Variants in MALRD1 observed in about 807,000 individuals in gnomAD.
The protein encoded by MALRD1 is MAM and LDL-receptor class A domain-containing protein 1.
Under a neutral mutation model 242.1 loss-of-function variants are expected in MALRD1, and 247 were observed. The observed-to-expected ratio is 1.02, with a 90% CI of 0.92 to 1.13. The LOEUF (loss-of-function observed/expected upper bound fraction) is 1.13, where lower values mean the gene tolerates loss of function less well. Ranked by LOEUF, MALRD1 falls within the 50% of genes most tolerant of loss-of-function variation. The pLI is 0.00. For synonymous variants in MALRD1, 995 were observed against 866.6 expected (o/e 1.15, Z -2.60); for missense variants, 2,989 against 2,533.1 (o/e 1.18, Z -3.86).
At chr10:19,711,015 T>C (rs1474246602) in intron 38 of MALRD1, 2 of 152,362 alleles carry the variant, frequency 1.3e-5, no homozygotes, top group East Asian at 3.9e-4. Context: ...TCCAATGGCA[T>C]GTAGCAAATT....
intron 32 of MALRD1, among the ~76,000 whole-genome samples, chr10:19,540,270 A>G (rs1185186526): frequency 6.6e-6 from 1 of 152,126 alleles, no homozygotes; most frequent in African/African-American, 2.4e-5. Context: ...CAGAATAGGA[A>G]GTTTGGCAGG....
chr10:19,356,844 C>T (rs760010909), intron 26 of MALRD1, among the ~76,000 whole-genome samples: 6 of 152,078 alleles, frequency 3.9e-5, no homozygotes, highest in Non-Finnish European at 5.9e-5. Flanking sequence ...CACGGTGGCT[C>T]ACACCTGTAA....
intron 36 of MALRD1, among the ~76,000 whole-genome samples, chr10:19,667,027 C>T (rs934353175): frequency 6.6e-6 from 1 of 152,132 alleles, no homozygotes; most frequent in African/African-American, 2.4e-5. Flanking sequence ...GGATGAAACA[C>T]TAAATGGGAC....
intron 28 of MALRD1, among the ~76,000 whole-genome samples, chr10:19,414,183 ATAAT>A (rs1378265583): frequency 1.3e-5 from 2 of 152,166 alleles, no homozygotes; most frequent in Non-Finnish European, 2.9e-5. Flanking sequence ...TTATGGATAA[ATAAT>A]TCCTACATAT....
intron 14 of MALRD1, among the ~76,000 whole-genome samples, chr10:19,184,724 T>C (rs1835663323): frequency 6.6e-6 from 1 of 152,032 alleles, no homozygotes; most frequent in African/African-American, 2.4e-5. Flanking sequence ...ATTTTTGTAT[T>C]TTTAGTGGAG....
rs144399816 is a variant in MALRD1 at position 19,179,797 on chromosome 10, G to T, written c.1951+4469G>T. Among the ~76,000 whole-genome samples the T allele has an allele frequency of 2.5e-3, 375 of 152,216 alleles. 2 individuals are homozygous for T. The highest frequency in any genetic ancestry group is 8.6e-3 in the African/African-American group (357 of 41,536). ...ACTGCTTACAAATGTTATTTCAAAT[G>T]ATAGTGTATCAATAAATAGTTCTAT... is the stretch of plus-strand genomic sequence containing the variant. On this transcript the variant is annotated intron_variant, in intron 14 of 39. Coordinates refer to ENST00000454679, the MANE Select transcript of MALRD1 (RefSeq NM_001142308.3).
intron 24 of MALRD1, among the ~76,000 whole-genome samples, chr10:19,346,080 C>T (rs1844107798): frequency 6.6e-6 from 1 of 152,088 alleles, no homozygotes; most frequent in Non-Finnish European, 1.5e-5. Flanking sequence ...GCACTCCACC[C>T]AGCCTCATAT....
chr10:19,717,964 C>G (rs1168202682), intron 38 of MALRD1, among the ~76,000 whole-genome samples: 1 of 150,712 alleles, frequency 6.6e-6, no homozygotes, highest in Non-Finnish European at 1.5e-5. Flanking sequence ...CTGCAGTGAG[C>G]CAATATTGCG....
At chr10:19,643,776 T>C (rs1840518108) in intron 36 of MALRD1, among the ~76,000 whole-genome samples, 1 of 152,146 alleles carries the variant, frequency 6.6e-6, no homozygotes, top group African/African-American at 2.4e-5. Flanking sequence ...CTATCTATTC[T>C]CTCCCTTTCT....
At chr10:19,723,119 G>A (rs957339189) in intron 38 of MALRD1, among the ~76,000 whole-genome samples, 2 of 152,030 alleles carry the variant, frequency 1.3e-5, no homozygotes, top group Admixed American at 6.6e-5. Context: ...ACTGTTTCTC[G>A]GATTTTAGGA....
intron 38 of MALRD1, among the ~76,000 whole-genome samples, chr10:19,728,082 T>G (rs2131931602): frequency 6.6e-6 from 1 of 152,232 alleles, no homozygotes; most frequent in Admixed American, 6.5e-5. Context: ...AGTCCAGGGA[T>G]TTTCAAGAAT....
intron 34 of MALRD1, among the ~76,000 whole-genome samples, chr10:19,604,653 A>G (rs142740492): frequency 4.6e-5 from 7 of 152,306 alleles, no homozygotes; most frequent in Admixed American, 2.6e-4. Flanking sequence ...TTCAGTGTCA[A>G]TGAAAGAGCC....
At chr10:19,351,265 C>T (rs574114956) in intron 25 of MALRD1, among the ~76,000 whole-genome samples, 1 of 152,336 alleles carries the variant, frequency 6.6e-6, no homozygotes, top group African/African-American at 2.4e-5. Context: ...CCTACTGCTC[C>T]TAACCTGTCC....
At chr10:19,532,573 A>G (rs1343569941) in intron 32 of MALRD1, among the ~76,000 whole-genome samples, 1 of 152,236 alleles carries the variant, frequency 6.6e-6, no homozygotes, top group African/African-American at 2.4e-5. Context: ...TATGATATCT[A>G]TTACACAGTT....
At chr10:19,649,729 T>C (rs1214302152) in intron 36 of MALRD1, among the ~76,000 whole-genome samples, 3 of 152,162 alleles carry the variant, frequency 2.0e-5, no homozygotes, top group Non-Finnish European at 2.9e-5. Context: ...AGCTCTTTAG[T>C]TTAGATACCA....
At chr10:19,710,233 A>G (rs1834044933) in intron 38 of MALRD1, 1 of 152,130 alleles carries the variant, frequency 6.6e-6, no homozygotes. Context: ...CCTGAAAAGC[A>G]GTGTCTGGCA....
In MALRD1 at chr10:19,416,435, C is replaced by T. The variant is rs1376786419; in HGVS notation, c.4845+26826C>T. Among the ~76,000 whole-genome samples, 4 of 152,172 alleles carry T rather than the reference C, an allele frequency of 2.6e-5. No homozygotes were observed. The East Asian group carries it at 7.7e-4, about 29-fold the overall frequency. ...AGGTCCATCTTGGAGGCTGATTGCC[C>T]CAGGGACATCCTGATAACAACTAGC... is the stretch of plus-strand genomic sequence containing the variant. On this transcript the variant is annotated intron_variant, in intron 28 of 39. Coordinates refer to ENST00000454679, the MANE Select transcript of MALRD1 (RefSeq NM_001142308.3).
At chr10:19,693,731 AG>A (rs1457657163) in intron 38 of MALRD1, among the ~76,000 whole-genome samples, 4 of 152,194 alleles carry the variant, frequency 2.6e-5, no homozygotes, top group Non-Finnish European at 5.9e-5. Context: ...ACTACTTTAA[AG>A]TTCATATGGA....
At chr10:19,449,875 T>A (rs894323142) in intron 28 of MALRD1, among the ~76,000 whole-genome samples, 3 of 152,086 alleles carry the variant, frequency 2.0e-5, no homozygotes, top group Non-Finnish European at 4.4e-5. Context: ...AAAAGAAATG[T>A]TCCATATTAT....
Sources: allele counts gnomAD v4.1 joint callset (sites outside exome capture counted in the v4.1 genomes callset), GRCh38; gene constraint gnomAD v4.1.1; transcripts MANE v1.5; gene names NCBI Gene and HGNC (gene_info 2026-07-23, HGNC 2026-07-21).